The following RTBDN variants were observed in gnomAD, a reference collection of about 807,000 sequenced individuals.
The protein encoded by RTBDN is retbindin.
RTBDN carries 24 observed loss-of-function variants against 21.9 expected under a neutral mutation model. The ratio of observed to expected loss-of-function variants is 1.10; its 90% confidence interval spans 0.79 to 1.54. The LOEUF is 1.54. Among genes scored for constraint, RTBDN ranks in the 40% most tolerant of loss-of-function variants. The pLI is 0.00. For missense variants in RTBDN, 325 were observed against 315.2 expected, an observed-to-expected ratio of 1.03 and a Z score of -0.23; for synonymous variants, 141 against 125.9, an observed-to-expected ratio of 1.12 and a Z score of -0.80.
At position 12,825,599 on chromosome 19, in the gene RTBDN, C is replaced by G; in HGVS notation, c.*107G>C. On this transcript the variant is annotated 3_prime_UTR_variant, in exon 6 of 6. Transcript: ENST00000674343. ...AGCTCCAGGGAGGAGGGACAGACAT[C>G]TCAAAACTATTACAGAAGGCCGAGA... 5.5e-6 allele frequency: 8 copies of G among 1,450,500 alleles called. No individual in the cohort carries two copies. Among genetic ancestry groups the G allele is most frequent in the Non-Finnish European group, 6.4e-6 (7 of 1,100,284 alleles). The allele number at this position is 1,450,500 out of a possible 1,614,324, so 89.9% of individuals were successfully genotyped here.
chr19:12,825,932 G>T lies in RTBDN; in HGVS notation c.464C>A (p.Thr155Asn), dbSNP rs1251582395. Residue 155 changes from threonine to asparagine, a missense_variant and splice_region_variant, in exon 6 of 6, where the codon ACC (threonine) becomes AAC (asparagine). Coordinates refer to ENST00000674343, the MANE Select transcript of RTBDN (RefSeq NM_001270441.2). ...ACAAAGGTCCGTCCCGTCTGCGAAG[G>T]TCTAGGAAAAAGTGGAGTTAAGGCC... ...CEPSCLTYGQ[T>N]FADGTDLCRS... 3.3e-5 allele frequency: 52 copies of T among 1,575,248 alleles called. No homozygotes were observed. The highest frequency in any genetic ancestry group is 3.8e-5 in the Non-Finnish European group (44 of 1,157,398).
Position 12,828,856 on chromosome 19 carries a change from G to A in RTBDN, c.254+13C>T, listed in dbSNP as rs754008124. 1 of 1,614,224 alleles carries A rather than the reference G, an allele frequency of 6.2e-7. No homozygotes were observed. Among genetic ancestry groups the A allele is most frequent in the South Asian group, 1.1e-5 (1 of 91,084 alleles). ...AAAGTACGCGAGAAAACGGTGGAGG[G>A]TGCTGTACTCACTCAGGGCTCGGCA... On this transcript the variant is annotated intron_variant, in intron 3 of 5. Transcript: ENST00000674343.
Position 12,826,924 on chromosome 19 carries a change from G to A in RTBDN, c.366-53C>T, listed in dbSNP as rs893298684. 7.1e-6 allele frequency: 9 copies of A among 1,267,166 alleles called. No individual in the cohort carries two copies. The East Asian group carries it at 7.6e-5, about 11-fold the overall frequency. The allele number at this position is 1,267,166 out of a possible 1,614,324, so 78.5% of individuals were successfully genotyped here. On this transcript the variant is annotated intron_variant, in intron 4 of 5. Coordinates refer to ENST00000674343, the MANE Select transcript of RTBDN (RefSeq NM_001270441.2). ...AAAGCCTTTGTAGTTACATTCCAGC[G>A]CGATTCTGGCTCTTCTAGACTGTGT...
At chr19:12,834,584 GC>G (rs932710784), upstream of RTBDN, 11 of 1,515,738 alleles carry the variant, frequency 7.3e-6, no homozygotes, top group Non-Finnish European at 9.7e-6. This position sits in a 1 kb window ranked among gnomAD's most constrained non-coding sequence, Gnocchi z 4.7. Flanking sequence ...TACAACATCC[GC>G]CCCCCCACCG....
chr19:12,834,993 A>T, upstream of RTBDN: 1 of 1,568,464 alleles, frequency 6.4e-7, no homozygotes, highest in South Asian at 1.1e-5. This position sits in a 1 kb window ranked among gnomAD's most constrained non-coding sequence, Gnocchi z 4.7. Context: ...CAGGCTTGGT[A>T]ATCTGGAGTT....
chr19:12,834,778 C>T, upstream of RTBDN: 2 of 1,613,978 alleles, frequency 1.2e-6, no homozygotes, highest in Non-Finnish European at 8.5e-7. The surrounding 1 kb of genome is among the most constrained non-coding windows in gnomAD (Gnocchi z 4.7). Flanking sequence ...GTGTCAGGAG[C>T]TCCTACCTCC....
At chr19:12,828,502 CT>C in intron 4 of RTBDN, among the ~76,000 whole-genome samples, 154 bp downstream of exon 4, 1 of 152,268 alleles carries the variant, frequency 6.6e-6, no homozygotes. Context: ...TGCCTCGCCC[CT>C]ATCTACCTGG....
At chr19:12,833,805 C>G in intron 1 of RTBDN, 1 of 260,864 alleles carries the variant, frequency 3.8e-6, no homozygotes, top group African/African-American at 2.3e-5. Flanking sequence ...GGCGCCGGGC[C>G]CGCCCCACTT....
rs1338294560 is a variant in RTBDN, at chr19:12,830,182, C to T, written c.-18-185G>A. On this transcript the variant is annotated intron_variant, in intron 1 of 5. Coordinates refer to ENST00000674343, the MANE Select transcript of RTBDN (RefSeq NM_001270441.2). This position sits in a 1 kb window ranked among gnomAD's most constrained non-coding sequence, Gnocchi z 4.2. ...TCAGGGCCTGCCTCCAACCTAGGAG[C>T]CCCCCTCCCATCAGAACCATGTCCT... 2 of 1,318,178 alleles carry T rather than the reference C, an allele frequency of 1.5e-6. No homozygotes were observed. The highest frequency in any genetic ancestry group is 2.0e-6 in the Non-Finnish European group (2 of 1,006,712). 81.7% of individuals were successfully genotyped at this position (1,318,178 alleles called of 1,614,324 possible). A position where few individuals can be genotyped will look rare whatever the true frequency, so the allele number is the denominator to read the frequency against.
chr19:12,829,953 G>A lies in RTBDN; in HGVS notation c.27C>T (p.Pro9=). The A allele has an allele frequency of 1.2e-6, 2 of 1,614,048 alleles. No homozygotes were observed. Among genetic ancestry groups the A allele is most frequent in the Non-Finnish European group, 1.7e-6 (2 of 1,179,910 alleles). MDCRVHMR[P]IGLTWVLQLT... ...GTTGCAGCACCCACGTCAGGCCGAT[G>A]GGTCGCATGTGGACCCTGCAGTCCA... Residue 9 remains proline, a synonymous_variant, in exon 2 of 6, where the codon CCC becomes CCT. Coordinates refer to ENST00000674343, the MANE Select transcript of RTBDN (RefSeq NM_001270441.2).
chr19:12,828,504 A>G (rs1306416844), intron 4 of RTBDN, among the ~76,000 whole-genome samples, 153 bp downstream of exon 4: 6 of 152,236 alleles, frequency 3.9e-5, no homozygotes, highest in Non-Finnish European at 5.9e-5. Flanking sequence ...CCTCGCCCCT[A>G]TCTACCTGGG....
chr19:12,828,117 G>A (rs1231088948), intron 4 of RTBDN, among the ~76,000 whole-genome samples: 1 of 151,042 alleles, frequency 6.6e-6, no homozygotes, highest in East Asian at 1.9e-4. Context: ...AGAAAAAAAG[G>A]CCGGGCACGG....
In RTBDN at chr19:12,829,808, C is replaced by T. The variant is rs781574185; in HGVS notation, c.169+3G>A. 32 of 1,607,428 alleles carry T rather than the reference C, an allele frequency of 2.0e-5. No individual in the cohort carries two copies. In the Admixed American group the frequency reaches 5.2e-4, roughly 26 times the overall value. ...GTGGTGAGGCAGGGTCTGGGGTGCT[C>T]ACCTGCCAGGTGCAGCTTGCCTTTG... On this transcript the variant is annotated splice_donor_region_variant and intron_variant, in intron 2 of 5. Coordinates refer to ENST00000674343, the MANE Select transcript of RTBDN (RefSeq NM_001270441.2).
In RTBDN at chr19:12,828,661, C is replaced by T. The variant is rs377580230; in HGVS notation, c.361G>A (p.Ala121Thr). ...CCTTGCCCCCGCGTCTCCTACCAGG[C>T]CTGGCAGAGCTCCTCGCAGAGCGGC... ...AQPLCEELCQAWFANCEDDIT... is the reference protein window; with the variant it reads ...AQPLCEELCQTWFANCEDDIT... Residue 121 changes from alanine (A) to threonine (T), a missense_variant, in exon 4 of 6, where the codon GCC becomes ACC. Transcript: ENST00000674343. 7 of 1,612,524 alleles carry T rather than the reference C, an allele frequency of 4.3e-6. No individual in the cohort carries two copies. Among genetic ancestry groups the T allele is most frequent in the Non-Finnish European group, 5.1e-6 (6 of 1,179,192 alleles).
At chr19:12,832,359 G>A (rs1025135209) in intron 1 of RTBDN, among the ~76,000 whole-genome samples, 4 of 152,166 alleles carry the variant, frequency 2.6e-5, no homozygotes, top group African/African-American at 9.7e-5. Context: ...GGGTCCCTCT[G>A]TGTACACCCA....
chr19:12,828,508 A>G, intron 4 of RTBDN, 149 bp downstream of exon 4: 4 of 601,252 alleles, frequency 6.7e-6, no homozygotes, highest in Non-Finnish European at 1.2e-5. Context: ...GCCCCTATCT[A>G]CCTGGGCTCT....
At chr19:12,835,272 C>CA (rs940081371), upstream of RTBDN, 5 of 647,478 alleles carry the variant, frequency 7.7e-6, no homozygotes, top group Non-Finnish European at 1.4e-5. Flanking sequence ...CCAGATGGCC[C>CA]GATCTCCGGA....
Position 12,830,305 on chromosome 19 carries a change from T to C in RTBDN, c.-18-308A>G. The C allele has an allele frequency of 2.7e-6, 3 of 1,100,770 alleles. No homozygotes were observed. The highest frequency in any genetic ancestry group is 3.3e-6 in the Non-Finnish European group (3 of 903,112). 68.2% of individuals were successfully genotyped at this position (1,100,770 alleles called of 1,614,324 possible). A position where few individuals can be genotyped will look rare whatever the true frequency, so the allele number is the denominator to read the frequency against. On this transcript the variant is annotated intron_variant, in intron 1 of 5. Coordinates refer to ENST00000674343, the MANE Select transcript of RTBDN (RefSeq NM_001270441.2). This position sits in a 1 kb window ranked among gnomAD's most constrained non-coding sequence, Gnocchi z 4.2. ...ACCTTTTTAGTCTTCAAGAGACCCC[T>C]TCTTTTCTCAGAATGAAGGGGACCT...
rs368136796 is a variant in RTBDN, at chr19:12,826,783, A to G, written c.454T>C (p.Tyr152His). 1.5e-5 allele frequency: 23 copies of G among 1,550,702 alleles called. No homozygotes were observed. The African/African-American group carries it at 3.2e-4, about 21-fold the overall frequency. Residue 152 changes from tyrosine (Y) to histidine (H), a missense_variant, in exon 5 of 6, where the codon TAT becomes CAT. Tyr to His is a moderately conservative substitution (Grantham distance 83). Transcript: ENST00000674343. Reference protein sequence around the residue: ...KRGCEPSCLTYGQTFADGTDL... With the variant: ...KRGCEPSCLTHGQTFADGTDL... Reference sequence around the variant, plus strand: ...TTCTGCCCCACGCTCACCTGTCCATAGGTAAGGCAGCTGGGCTCACAGCCC... The same window carrying G: ...TTCTGCCCCACGCTCACCTGTCCATGGGTAAGGCAGCTGGGCTCACAGCCC...
Sources: gnomAD v4.1 joint callset for allele counts (sites outside exome capture counted in the v4.1 genomes callset) on GRCh38, gnomAD v4.1.1 for gene constraint, Gnocchi (gnomAD v3.1) non-coding constraint, MANE v1.5 for transcripts, NCBI Gene and HGNC (gene_info 2026-07-23, HGNC 2026-07-21) for gene names.